Variants in PDSS2 observed in about 807,000 individuals in gnomAD.
PDSS2 encodes all trans-polyprenyl-diphosphate synthase PDSS2.
PDSS2 carries 31 observed loss-of-function variants against 44.5 expected under a neutral mutation model. That is an observed-to-expected ratio of 0.70 (90% CI 0.52 to 0.94). The LOEUF (loss-of-function observed/expected upper bound fraction) is 0.94. Ranked by LOEUF, PDSS2 falls within the 40% of genes least tolerant of loss-of-function variation. PDSS2 has a pLI of 0.00. For missense variants in PDSS2, 452 were observed against 482.2 expected (o/e 0.94, Z 0.59); for synonymous variants, 157 against 180.3 (o/e 0.87, Z 1.03).
At chr6:107,452,633 C>T (rs905399158) in intron 1 of PDSS2, among the ~76,000 whole-genome samples, 4 of 152,068 alleles carry the variant, frequency 2.6e-5, no homozygotes, top group Non-Finnish European at 5.9e-5. Flanking sequence ...ACTTTTCACC[C>T]TCTTTACAGG....
chr6:107,345,982 T>A (rs568048248), intron 1 of PDSS2, among the ~76,000 whole-genome samples: 1 of 152,316 alleles, frequency 6.6e-6, no homozygotes, highest in East Asian at 1.9e-4. Flanking sequence ...TAATCACAAA[T>A]GTGCCACCCA....
chr6:107,339,848 T>C (rs960091369), intron 1 of PDSS2, among the ~76,000 whole-genome samples: 6 of 152,198 alleles, frequency 3.9e-5, no homozygotes, highest in Non-Finnish European at 5.9e-5. Context: ...ATAAGAGGTT[T>C]GCTCTTTATC....
At chr6:107,383,298 C>CAAAAAAAAAAAAAAA (rs35910650) in intron 1 of PDSS2, among the ~76,000 whole-genome samples, 2 of 28,438 alleles carry the variant, frequency 7.0e-5, no homozygotes, top group African/African-American at 1.1e-4. Context: ...GACTCCATCT[C>CAAAAAAAAAAAAAAA]AAAAAAAAAA....
intron 6 of PDSS2, 80 bp downstream of exon 6, chr6:107,210,359 A>G (rs897703104): frequency 9.4e-7 from 1 of 1,060,264 alleles, no homozygotes; most frequent in Admixed American, 1.7e-5. Flanking sequence ...CTATAGCCAT[A>G]TATCACCAAG....
intron 2 of PDSS2, among the ~76,000 whole-genome samples, chr6:107,278,051 G>C (rs1164535107): frequency 6.6e-6 from 1 of 151,432 alleles, no homozygotes; most frequent in Admixed American, 6.6e-5. Flanking sequence ...AAAACAGAAT[G>C]GTTTAACATC....
chr6:107,436,158 G>A (rs188652380), intron 1 of PDSS2, among the ~76,000 whole-genome samples: 30 of 152,172 alleles, frequency 2.0e-4, no homozygotes, highest in Admixed American at 1.3e-3. Flanking sequence ...TAAACTCTTC[G>A]TCAAACCACA....
In PDSS2 at chr6:107,225,027, CCA is replaced by C. The variant is rs536860000; in HGVS notation, c.703-12747_703-12746del. On this transcript the variant is annotated intron_variant, in intron 4 of 7. Coordinates refer to ENST00000369037, the MANE Select transcript of PDSS2 (RefSeq NM_020381.4). The stretch of plus-strand genomic sequence containing the variant: ...TGTCGGCAGTAGGCTTTAGTTCTTG[CCA>C]CACAGGCCACTCACGTGCCATGGCA... Among the ~76,000 whole-genome samples, 367 of 148,324 alleles carry C rather than the reference CCA, an allele frequency of 2.5e-3. 15 individuals are homozygous for C. The highest frequency in any genetic ancestry group is 8.4e-3 in the African/African-American group (327 of 38,724).
At chr6:107,365,238 AAT>A (rs563603697) in intron 1 of PDSS2, among the ~76,000 whole-genome samples, 291 of 152,288 alleles carry the variant, frequency 1.9e-3, no homozygotes, top group African/African-American at 6.6e-3. Flanking sequence ...ACAAATGAAA[AAT>A]AGAGATATAT....
intron 7 of PDSS2, among the ~76,000 whole-genome samples, chr6:107,186,752 T>C (rs1443410624): frequency 6.6e-6 from 1 of 152,190 alleles, no homozygotes; most frequent in South Asian, 2.1e-4. Flanking sequence ...GAATGATGGC[T>C]TCTAGCTTCA....
At chr6:107,364,631 A>G (rs1243167475) in intron 1 of PDSS2, among the ~76,000 whole-genome samples, 1 of 152,086 alleles carries the variant, frequency 6.6e-6, no homozygotes, top group African/African-American at 2.4e-5. Context: ...CTCTCCCTCC[A>G]CACCTCCCTG....
In PDSS2 at chr6:107,458,573, C is replaced by CCT. The variant is rs528322261; in HGVS notation, c.296+415_296+416dup. 1.2e-3 allele frequency among the ~76,000 whole-genome samples: 178 copies of CCT among 151,382 alleles called. 1 individual carries two copies. Among genetic ancestry groups the CCT allele is most frequent in the African/African-American group, 4.0e-3 (167 of 41,312 alleles). ...GTTGGAAAGAATTATCTACCTTCAG[C>CCT]CTCTCTCTCTCTCCTTGCCTACTTT... is the stretch of plus-strand genomic sequence containing the variant. On this transcript the variant is annotated intron_variant, in intron 1 of 7. Transcript: ENST00000369037.
At chr6:107,277,673 C>T (rs1775829680) in intron 2 of PDSS2, among the ~76,000 whole-genome samples, 1 of 152,126 alleles carries the variant, frequency 6.6e-6, no homozygotes, top group African/African-American at 2.4e-5. Flanking sequence ...AATAATCAGG[C>T]CAGGCGCGGT....
chr6:107,391,854 A>AT (rs35833788), intron 1 of PDSS2, among the ~76,000 whole-genome samples: 56,475 of 150,442 alleles, frequency 0.38, 13,004 homozygotes, highest in Middle Eastern at 0.64. Flanking sequence ...ATACATGCTC[A>AT]TTTTTTTTTA....
chr6:107,172,197 C>G (rs900241981), intron 7 of PDSS2, among the ~76,000 whole-genome samples: 1 of 152,086 alleles, frequency 6.6e-6, no homozygotes, highest in Admixed American at 6.6e-5. Context: ...TATTAAACAC[C>G]TTTTGAATGA....
intron 7 of PDSS2, among the ~76,000 whole-genome samples, chr6:107,187,745 T>C (rs114310244): frequency 0.011 from 1,608 of 152,032 alleles, 25 homozygotes; most frequent in African/African-American, 0.037. Flanking sequence ...CTCCTGTACG[T>C]CTCCTAACAT....
intron 3 of PDSS2, among the ~76,000 whole-genome samples, chr6:107,260,896 T>TCA (rs1216106898): frequency 6.6e-6 from 1 of 152,058 alleles, no homozygotes. Flanking sequence ...TCTCCTGACC[T>TCA]TGTGATCTGC....
intron 6 of PDSS2, among the ~76,000 whole-genome samples, chr6:107,206,484 C>T (rs1309391006): frequency 6.6e-6 from 1 of 152,072 alleles, no homozygotes; most frequent in Non-Finnish European, 1.5e-5. Flanking sequence ...TAGTTTAATG[C>T]CATCATTTTA....
intron 1 of PDSS2, among the ~76,000 whole-genome samples, chr6:107,416,897 A>G (rs991564408): frequency 1.3e-5 from 2 of 152,112 alleles, no homozygotes; most frequent in African/African-American, 4.8e-5. Context: ...CAAAAAAAAA[A>G]AGATGTCAAC....
chr6:107,364,909 G>C (rs190939290), intron 1 of PDSS2, among the ~76,000 whole-genome samples: 4 of 152,226 alleles, frequency 2.6e-5, no homozygotes, highest in Admixed American at 1.3e-4. Context: ...GGAGACCAGA[G>C]AGCAGTGAAA....
Sources: gnomAD v4.1 joint callset for allele counts (sites outside exome capture counted in the v4.1 genomes callset) on GRCh38, gnomAD v4.1.1 for gene constraint, MANE v1.5 for transcripts, NCBI Gene and HGNC (gene_info 2026-07-23, HGNC 2026-07-21) for gene names.